DDX4: variants seen among roughly 807,000 people sequenced by gnomAD.
DDX4 encodes probable ATP-dependent RNA helicase DDX4.
Under a neutral mutation model 100.0 loss-of-function variants are expected in DDX4, and 25 were observed. The ratio of observed to expected loss-of-function variants is 0.25; its 90% CI spans 0.18 to 0.35. The LOEUF is 0.35. Among genes scored for constraint, DDX4 ranks in the 10% least tolerant of loss-of-function variants. DDX4 has a pLI of 1.00. For synonymous variants in DDX4, 259 were observed against 275.7 expected (o/e 0.94, Z 0.60); for missense variants, 635 against 882.4 (o/e 0.72, Z 3.55).
chr5:55,787,879 A>G lies in DDX4; in HGVS notation c.1051A>G (p.Met351Val). ...TCTCCTACCAATTTTGGCTCATATG[A>G]TGCATGATGGAATAACTGCCAGTCG... ...AFLLPILAHM[M>V]HDGITASRFK... The change falls in exon 15 of 22, where the codon ATG becomes GTG. Residue 351 changes from methionine to valine, a missense_variant. Physicochemically the swap from Met to Val is conservative, Grantham distance 21 (BLOSUM62 1). Around this residue, in one of 4 missense-constraint regions of DDX4, gnomAD observed 446 missense variants for 540.8 expected, o/e 0.82. Transcript: ENST00000505374. 3.1e-6 allele frequency: 5 copies of G among 1,613,932 alleles called. No homozygotes were observed. Among genetic ancestry groups the G allele is most frequent in the Non-Finnish European group, 4.2e-6 (5 of 1,179,966 alleles).
At chr5:55,766,010 G>C (rs1047710437) in intron 6 of DDX4, among the ~76,000 whole-genome samples, 4 of 150,692 alleles carry the variant, frequency 2.7e-5, no homozygotes, top group African/African-American at 9.8e-5. Flanking sequence ...GTAGAGACGG[G>C]GTTTCGTCAC....
intron 8 of DDX4, 140 bp from the exon 9 acceptor site, chr5:55,780,926 A>G (rs1173227653): frequency 6.8e-6 from 4 of 588,348 alleles, no homozygotes; most frequent in South Asian, 2.9e-5. Flanking sequence ...AGTTTAACTT[A>G]GTTTAATAGG....
At chr5:55,767,434 T>C (rs1473767324) in intron 6 of DDX4, among the ~76,000 whole-genome samples, 2 of 152,204 alleles carry the variant, frequency 1.3e-5, no homozygotes, top group South Asian at 2.1e-4. Context: ...ACAGCTTGAC[T>C]CCATCTCCAA....
rs775024651 is a variant in DDX4, at chr5:55,752,862, G to T, written c.127+6641G>T. 2.4e-3 allele frequency among the ~76,000 whole-genome samples: 349 copies of T among 148,492 alleles called. 1 individual carries two copies. The highest frequency in any genetic ancestry group is 7.5e-3 in the African/African-American group (298 of 39,812). On this transcript the variant is annotated intron_variant, in intron 3 of 21. Coordinates refer to ENST00000505374, the MANE Select transcript of DDX4 (RefSeq NM_024415.3). ...CAGCACCTGTTGTTTCCTGACTTTT[G>T]AATGATTGCCATTCTAACTGGTGTG...
chr5:55,789,364 T>C (rs377525208), intron 15 of DDX4, among the ~76,000 whole-genome samples: 2 of 152,188 alleles, frequency 1.3e-5, no homozygotes, highest in Admixed American at 6.5e-5. Flanking sequence ...GAGTTTCTTA[T>C]GAGATTGTAA....
Position 55,746,157 on chromosome 5 carries a change from C to A in DDX4, c.70-7C>A. 6.2e-7 allele frequency: 1 copy of A among 1,601,314 alleles called. No individual in the cohort carries two copies. Among genetic ancestry groups the A allele is most frequent in the Non-Finnish European group, 8.5e-7 (1 of 1,175,960 alleles). ...GAAACTAGTTTTTTCTTTCTTCTTT[C>A]TCACAGGATAGGTATTCTGGAGAAA... On this transcript the variant is annotated splice_polypyrimidine_tract_variant and splice_region_variant and intron_variant, in intron 2 of 21. Coordinates refer to ENST00000505374, the MANE Select transcript of DDX4 (RefSeq NM_024415.3).
chr5:55,785,354 C>G lies in DDX4; in HGVS notation c.673+10C>G. 2 of 1,602,928 alleles carry G rather than the reference C, an allele frequency of 1.2e-6. No homozygotes were observed. Among genetic ancestry groups the G allele is most frequent in the South Asian group, 2.2e-5 (2 of 90,230 alleles). On this transcript the variant is annotated intron_variant, in intron 11 of 21. Transcript: ENST00000505374. ...ACAGGCTCTGGAAAGAGTAAGTTTT[C>G]CTTAAACAAGGTGTTTGATTTTTAT...
chr5:55,799,610 G>C, intron 18 of DDX4, among the ~76,000 whole-genome samples: 1 of 152,192 alleles, frequency 6.6e-6, no homozygotes, highest in Middle Eastern at 3.4e-3. Flanking sequence ...TCCTGGGCTC[G>C]AGTGATCCAC....
chr5:55,781,297 TTG>T (rs1741896572), intron 9 of DDX4, 151 bp downstream of exon 9: 1 of 545,536 alleles, frequency 1.8e-6, no homozygotes, highest in African/African-American at 1.9e-5. Context: ...GTGGACAATT[TTG>T]TCTCCCTTAT....
chr5:55,814,565 C>A (rs1253180327), intron 19 of DDX4, among the ~76,000 whole-genome samples: 1 of 151,918 alleles, frequency 6.6e-6, no homozygotes, highest in African/African-American at 2.4e-5. Flanking sequence ...GGCACGATCT[C>A]AGCTCACCTC....
chr5:55,742,172 T>C (rs187754408), intron 2 of DDX4: 170 of 456,294 alleles, frequency 3.7e-4, no homozygotes, highest in Non-Finnish European at 3.2e-4. Flanking sequence ...GTGGCAATTA[T>C]ATAGTCCAGA....
intron 17 of DDX4, among the ~76,000 whole-genome samples, chr5:55,795,948 A>C (rs1452742450): frequency 6.6e-6 from 1 of 152,226 alleles, no homozygotes; most frequent in Admixed American, 6.5e-5. Flanking sequence ...GCTCAGTCCA[A>C]GTCTGAAAGC....
intron 3 of DDX4, among the ~76,000 whole-genome samples, chr5:55,749,698 G>C (rs1247550968): frequency 6.6e-6 from 1 of 151,922 alleles, no homozygotes. Flanking sequence ...TGCTTTTGCT[G>C]ATTTCTTTAT....
intron 5 of DDX4, among the ~76,000 whole-genome samples, chr5:55,763,510 C>T (rs1740694418): frequency 6.6e-6 from 1 of 151,950 alleles, no homozygotes; most frequent in Non-Finnish European, 1.5e-5. Context: ...AACTCTTAGA[C>T]ATAGGTTTTT....
rs755645574 is a variant in DDX4 at position 55,815,402 on chromosome 5, T to C, written c.2076T>C (p.Phe692=). The part of the protein sequence containing the change: ...GFSGSTRGNV[F]ASVDTRKGKS... Reference sequence around the variant, plus strand: ...GTGGTAGTACAAGAGGAAACGTGTTTGCATCAGTTGATACCAGAAAGGTTA... The same window carrying C: ...GTGGTAGTACAAGAGGAAACGTGTTCGCATCAGTTGATACCAGAAAGGTTA... Residue 692 remains phenylalanine, a synonymous_variant, in exon 21 of 22, where the codon TTT becomes TTC. Coordinates refer to ENST00000505374, the MANE Select transcript of DDX4 (RefSeq NM_024415.3). 2.5e-5 allele frequency: 41 copies of C among 1,612,374 alleles called. No individual in the cohort carries two copies. In the East Asian group the frequency reaches 6.9e-4, roughly 27 times the overall value.
intron 18 of DDX4, among the ~76,000 whole-genome samples, chr5:55,808,904 G>A (rs559258276): frequency 8.1e-4 from 123 of 152,332 alleles, no homozygotes; most frequent in East Asian, 5.6e-3. Flanking sequence ...TCTGTGCCCT[G>A]CCCCCAGAGG....
chr5:55,810,176 C>T (rs1744039592), intron 18 of DDX4, among the ~76,000 whole-genome samples: 1 of 152,022 alleles, frequency 6.6e-6, no homozygotes, highest in African/African-American at 2.4e-5. Flanking sequence ...GTGATCTTGG[C>T]TCACTGCAGC....
chr5:55,765,795 AC>A (rs374628595), intron 6 of DDX4, among the ~76,000 whole-genome samples: 280 of 152,014 alleles, frequency 1.8e-3, no homozygotes, highest in African/African-American at 4.8e-3. Flanking sequence ...CCAGGTACAT[AC>A]TTTATGTGTT....
chr5:55,801,419 T>C lies in DDX4; in HGVS notation c.1615+2848T>C, dbSNP rs537817471. On this transcript the variant is annotated intron_variant, in intron 18 of 21. Transcript: ENST00000505374. ...GATGTAAAACTGGTCATTATTCAAA[T>C]GCAATAATCACATTTCAGGGGAAAA... is the stretch of plus-strand genomic sequence containing the variant. Among the ~76,000 whole-genome samples the C allele has an allele frequency of 5.9e-5, 9 of 152,284 alleles. No homozygotes were observed. The East Asian group carries it at 1.2e-3, about 20-fold the overall frequency.
Sources: allele counts gnomAD v4.1 joint callset (sites outside exome capture counted in the v4.1 genomes callset), GRCh38; gene constraint gnomAD v4.1.1; regional missense constraint gnomAD v4.1.1; transcripts MANE v1.5; gene names NCBI Gene and HGNC (gene_info 2026-07-23, HGNC 2026-07-21).